The following USH2A variants were observed in gnomAD, a reference collection of about 807,000 sequenced individuals.
The protein encoded by USH2A is usherin, also known as Usher syndrome 2A (autosomal recessive, mild).
A neutral mutation model predicts 538.9 loss-of-function variants in USH2A; 443 were observed. The observed-to-expected ratio is 0.82, with a 90% confidence interval of 0.76 to 0.89. The LOEUF (loss-of-function observed/expected upper bound fraction) is 0.89, where lower values mean the gene tolerates loss of function less well. USH2A is among the 40% of genes least tolerant of loss of function. The pLI, the probability that USH2A is intolerant of heterozygous loss-of-function variation, is 0.00. For synonymous variants in USH2A, 2,413 were observed against 2,273.5 expected (o/e 1.06, Z -1.75); for missense variants, 6,633 against 6,324.8 (o/e 1.05, Z -1.65).
chr1:215,916,858 C>T (rs1474559847), intron 38 of USH2A, among the ~76,000 whole-genome samples: 1 of 152,078 alleles, frequency 6.6e-6, no homozygotes, highest in African/African-American at 2.4e-5. Flanking sequence ...ACACCTCCAC[C>T]TCCACCTCTC....
chr1:216,108,004 T>C (rs11120734), intron 21 of USH2A, among the ~76,000 whole-genome samples: 97,703 of 151,656 alleles, frequency 0.64, 32,835 homozygotes, highest in East Asian at 0.98. Flanking sequence ...GTTTAAAATT[T>C]CTTGTTTTCA....
At chr1:216,074,397 C>CTGTATTTTAA (rs2031679626) in intron 27 of USH2A, among the ~76,000 whole-genome samples, 1 of 151,948 alleles carries the variant, frequency 6.6e-6, no homozygotes, top group Admixed American at 6.6e-5. Context: ...ACATGATCAG[C>CTGTATTTTAA]TCTTTTCAAG....
intron 16 of USH2A, among the ~76,000 whole-genome samples, chr1:216,201,355 C>T (rs58983847): frequency 1.3e-5 from 2 of 148,796 alleles, no homozygotes; most frequent in Non-Finnish European, 3.0e-5. Flanking sequence ...GTCACCCAGG[C>T]TGGAGTGCAG....
At chr1:216,321,593 T>G (rs1188876518) in intron 9 of USH2A, among the ~76,000 whole-genome samples, 3 of 152,128 alleles carry the variant, frequency 2.0e-5, no homozygotes, top group Non-Finnish European at 4.4e-5. Context: ...AATTGTTTTA[T>G]AAAACATGAT....
At position 215,878,766 on chromosome 1, in the gene USH2A, C is replaced by T; in HGVS notation, c.8556G>A (p.Leu2852=). The change falls in exon 42 of 72, where the codon TTG becomes TTA. Residue 2852 remains leucine (L), a splice_region_variant and synonymous_variant. Coordinates refer to ENST00000307340, the MANE Select transcript of USH2A (RefSeq NM_206933.4). ...QPPSKPNGPN[L]RYELLRRKIQ... is the part of the protein sequence containing the mutation. ...AAATCATAGTCACCTTCTCTTACCTCAAATTAGGTCCATTTGGCTTGGATG... is the reference window on the plus strand; with the variant it reads ...AAATCATAGTCACCTTCTCTTACCTTAAATTAGGTCCATTTGGCTTGGATG... 6.2e-7 allele frequency: 1 copy of T among 1,613,892 alleles called. No individual in the cohort carries two copies. Among genetic ancestry groups the T allele is most frequent in the Non-Finnish European group, 8.5e-7 (1 of 1,179,878 alleles).
intron 30 of USH2A, among the ~76,000 whole-genome samples, 162 bp downstream of exon 30, chr1:216,069,939 A>C (rs1462863073): frequency 2.0e-5 from 3 of 152,218 alleles, no homozygotes; most frequent in African/African-American, 7.2e-5. Flanking sequence ...TATCCTAGGT[A>C]GATGCAGGCT....
chr1:216,084,802 C>A lies in USH2A; in HGVS notation c.5063G>T (p.Trp1688Leu), dbSNP rs1223810066. 4 of 1,613,438 alleles carry A rather than the reference C, an allele frequency of 2.5e-6. No homozygotes were observed. Among genetic ancestry groups the A allele is most frequent in the Admixed American group, 3.3e-5 (2 of 59,888 alleles). ...FMKNYNPSAI[W>L]EPLDWQSSEE... Reference sequence around the variant, plus strand: ...AGAACTCTGCCAATCCAGAGGTTCCCAAATAGCTGACGGATTGTAATTCTT... The same window carrying A: ...AGAACTCTGCCAATCCAGAGGTTCCAAAATAGCTGACGGATTGTAATTCTT... Residue 1688 changes from tryptophan to leucine, a missense_variant, in exon 25 of 72, where the codon TGG becomes TTG. Trp to Leu is a moderately conservative substitution (Grantham distance 61). Transcript: ENST00000307340.
chr1:215,836,558 TATATATA>T lies in USH2A; in HGVS notation c.9371+1426_9371+1432del, dbSNP rs1558120360. Among the ~76,000 whole-genome samples the T allele has an allele frequency of 2.8e-4, 6 of 21,172 alleles. 2 individuals carry two copies. The highest frequency in any genetic ancestry group is 9.5e-4 in the African/African-American group (5 of 5,262). The allele number at this position is 21,172 out of a possible 152,430, so 13.9% of individuals were successfully genotyped here. ...TATATATATAATATATATATATATA[TATATATA>T]TTTTTTTTTGAGACAGAGTATCACT... On this transcript the variant is annotated intron_variant, in intron 47 of 71. Coordinates refer to ENST00000307340, the MANE Select transcript of USH2A (RefSeq NM_206933.4).
intron 21 of USH2A, among the ~76,000 whole-genome samples, chr1:216,140,298 C>A (rs1452666000): frequency 6.6e-6 from 1 of 152,052 alleles, no homozygotes; most frequent in Non-Finnish European, 1.5e-5. Context: ...CAGTGCACGG[C>A]ACATAGTAGA....
At chr1:215,847,817 C>T (rs996991458) in intron 44 of USH2A, among the ~76,000 whole-genome samples, 1 of 151,898 alleles carries the variant, frequency 6.6e-6, no homozygotes, top group African/African-American at 2.4e-5. Context: ...TTTAAAGGAC[C>T]CCTTTACATT....
At chr1:216,414,150 A>G (rs1036005417) in intron 3 of USH2A, among the ~76,000 whole-genome samples, 17 of 152,146 alleles carry the variant, frequency 1.1e-4, no homozygotes, top group Non-Finnish European at 1.9e-4. Context: ...TAATATGATC[A>G]GTGTTCCCTA....
At chr1:215,870,458 CTTTT>C (rs10689595) in intron 43 of USH2A, among the ~76,000 whole-genome samples, 1 of 123,138 alleles carries the variant, frequency 8.1e-6, no homozygotes. Flanking sequence ...CCACTCCTAG[CTTTT>C]TTTTTTTTTT....
At chr1:216,363,384 G>T (rs1571742473) in intron 4 of USH2A, among the ~76,000 whole-genome samples, 1 of 151,988 alleles carries the variant, frequency 6.6e-6, no homozygotes, top group Admixed American at 6.6e-5. Flanking sequence ...TAAAGTTGGG[G>T]TGACTACACT....
intron 20 of USH2A, among the ~76,000 whole-genome samples, chr1:216,183,273 C>T (rs1021499403): frequency 6.6e-6 from 1 of 151,768 alleles, no homozygotes; most frequent in African/African-American, 2.4e-5. Context: ...ATCGAGTGTG[C>T]CAACAAGCAC....
Position 215,634,722 on chromosome 1 carries a change from G to T in USH2A, c.15053-19C>A. 1 of 1,614,216 alleles carries T rather than the reference G, an allele frequency of 6.2e-7. No homozygotes were observed. Among genetic ancestry groups the T allele is most frequent in the African/African-American group, 1.3e-5 (1 of 75,064 alleles). ...ACCAAGCCTGCAAAACCCAGAGAAA[G>T]AAAGGGGAAATGTTATTTCAGAAAG... On this transcript the variant is annotated intron_variant, in intron 69 of 71. Transcript: ENST00000307340.
intron 32 of USH2A, among the ~76,000 whole-genome samples, chr1:216,043,119 G>C (rs887470795): frequency 6.6e-6 from 1 of 151,966 alleles, no homozygotes; most frequent in African/African-American, 2.4e-5. Flanking sequence ...TCTGGCAAGG[G>C]AAAATAAAAT....
intron 22 of USH2A, among the ~76,000 whole-genome samples, chr1:216,090,952 A>G (rs1544298): frequency 0.53 from 80,495 of 151,930 alleles, 21,905 homozygotes; most frequent in East Asian, 0.87. Flanking sequence ...AGGTGTCTGA[A>G]TAAGTGGTTC....
chr1:215,996,148 T>G (rs1668130283), intron 34 of USH2A, among the ~76,000 whole-genome samples: 1 of 152,196 alleles, frequency 6.6e-6, no homozygotes, highest in African/African-American at 2.4e-5. Context: ...TGGCCTCAAC[T>G]GGTCTGCCCA....
chr1:215,745,048 A>T (rs1660433432), intron 58 of USH2A, among the ~76,000 whole-genome samples: 1 of 152,178 alleles, frequency 6.6e-6, no homozygotes, highest in African/African-American at 2.4e-5. Flanking sequence ...ATTCTAAAAC[A>T]GAACTAGCTG....
Sources: gnomAD v4.1 joint callset for allele counts (sites outside exome capture counted in the v4.1 genomes callset) on GRCh38, gnomAD v4.1.1 for gene constraint, MANE v1.5 for transcripts, NCBI Gene and HGNC (gene_info 2026-07-23, HGNC 2026-07-21) for gene names.